Variants in AGBL4 observed in about 807,000 individuals in gnomAD.
AGBL4 encodes cytosolic carboxypeptidase 6.
In AGBL4, 58 loss-of-function variants were observed where a neutral mutation model predicts 66.4. The ratio of observed to expected loss-of-function variants is 0.87; its 90% CI spans 0.71 to 1.09. The LOEUF is 1.09. Among genes scored for constraint, AGBL4 ranks in the 50% least tolerant of loss-of-function variants. The pLI is 0.00. For synonymous variants in AGBL4, 234 were observed against 222.9 expected, an observed-to-expected ratio of 1.05 and a Z score of -0.44; for missense variants, 579 against 631.0, an observed-to-expected ratio of 0.92 and a Z score of 0.88.
At chr1:49,486,365 G>C (rs1043120160) in intron 3 of AGBL4, among the ~76,000 whole-genome samples, 2 of 151,810 alleles carry the variant, frequency 1.3e-5, no homozygotes, top group Non-Finnish European at 2.9e-5. Flanking sequence ...CCAGTACCTA[G>C]CATACAGCTG....
intron 9 of AGBL4, among the ~76,000 whole-genome samples, chr1:48,621,210 A>G (rs1210157666): frequency 6.6e-6 from 1 of 152,176 alleles, no homozygotes; most frequent in East Asian, 1.9e-4. Flanking sequence ...TGGGACAGGA[A>G]TTTTGAGCAG....
At chr1:49,392,357 C>T (rs1644869341) in intron 3 of AGBL4, among the ~76,000 whole-genome samples, 1 of 152,028 alleles carries the variant, frequency 6.6e-6, no homozygotes, top group African/African-American at 2.4e-5. Flanking sequence ...CTGGCAGAGC[C>T]CTCTAAATGG....
At position 48,842,872 on chromosome 1, in the gene AGBL4, A is replaced by G. The variant is rs563573079; in HGVS notation, c.634+24319T>C. On this transcript the variant is annotated intron_variant, in intron 6 of 13. Transcript: ENST00000371839. ...AGAAAATCTCGTTGCATGCTACAAC[A>G]TCAATGAACCATGAGGGCATTATGC... Among the ~76,000 whole-genome samples the G allele has an allele frequency of 2.0e-5, 3 of 152,184 alleles. No individual in the cohort carries two copies. In the East Asian group the frequency reaches 5.8e-4, roughly 29 times the overall value.
intron 1 of AGBL4, among the ~76,000 whole-genome samples, chr1:49,892,753 A>G (rs1648778735): frequency 6.6e-6 from 1 of 152,156 alleles, no homozygotes; most frequent in Admixed American, 6.5e-5. Flanking sequence ...TATTATTCAT[A>G]TTTTGTAGAT....
intron 6 of AGBL4, among the ~76,000 whole-genome samples, chr1:48,683,256 A>T (rs1434173560): frequency 6.6e-6 from 1 of 152,248 alleles, no homozygotes; most frequent in Non-Finnish European, 1.5e-5. Context: ...CCCCAACAGC[A>T]TCATGCTAAG....
At chr1:49,435,188 A>G (rs1229182399) in intron 3 of AGBL4, among the ~76,000 whole-genome samples, 1 of 152,184 alleles carries the variant, frequency 6.6e-6, no homozygotes, top group African/African-American at 2.4e-5. Context: ...TGTCTTTTCA[A>G]TATGCTCCAT....
intron 3 of AGBL4, 34 bp from the exon 4 acceptor site, chr1:49,245,898 G>A (rs1009790545): frequency 2.1e-6 from 3 of 1,447,602 alleles, no homozygotes; most frequent in East Asian, 2.5e-5. Context: ...TCATCTTTAT[G>A]CTATGCAAAT....
intron 3 of AGBL4, among the ~76,000 whole-genome samples, chr1:49,552,193 T>A (rs1653011473): frequency 6.6e-6 from 1 of 152,088 alleles, no homozygotes; most frequent in Non-Finnish European, 1.5e-5. Flanking sequence ...AGGCAGTGGG[T>A]GAGCCAGGCT....
At chr1:48,553,502 C>T (rs1049779133) in intron 11 of AGBL4, among the ~76,000 whole-genome samples, 2 of 152,130 alleles carry the variant, frequency 1.3e-5, no homozygotes, top group Non-Finnish European at 2.9e-5. Context: ...TGGAGCAAGT[C>T]TCCTTTAGGT....
rs142004657 is a variant in AGBL4 at position 48,921,955 on chromosome 1, C to T, written c.595-54725G>A. Among the ~76,000 whole-genome samples, 108 of 152,264 alleles carry T rather than the reference C, an allele frequency of 7.1e-4. No individual in the cohort carries two copies. The East Asian group carries it at 0.01, about 15-fold the overall frequency. ...TGTAAGCATCAGTTAAAACAATATA[C>T]GTGGAACATTTAGTTAGCATATTCT... On this transcript the variant is annotated intron_variant, in intron 5 of 13. Coordinates refer to ENST00000371839, the MANE Select transcript of AGBL4 (RefSeq NM_032785.4).
intron 3 of AGBL4, among the ~76,000 whole-genome samples, chr1:49,432,334 C>A (rs76200506): frequency 1.3e-5 from 2 of 152,040 alleles, no homozygotes; most frequent in African/African-American, 4.8e-5. Context: ...GTTGGTCTGG[C>A]GATAATTTCC....
intron 3 of AGBL4, among the ~76,000 whole-genome samples, chr1:49,604,210 C>CT (rs34775933): frequency 1.3e-5 from 2 of 152,088 alleles, no homozygotes; most frequent in South Asian, 2.1e-4. Flanking sequence ...ATAAGTGTTC[C>CT]TTTTTTACCA....
chr1:48,760,030 A>T (rs886896126), intron 6 of AGBL4, among the ~76,000 whole-genome samples: 1 of 152,166 alleles, frequency 6.6e-6, no homozygotes, highest in African/African-American at 2.4e-5. Flanking sequence ...TCAGGGAAGG[A>T]CTACACTTAG....
At chr1:49,199,819 T>G (rs886915349) in intron 4 of AGBL4, among the ~76,000 whole-genome samples, 3 of 152,170 alleles carry the variant, frequency 2.0e-5, no homozygotes, top group Non-Finnish European at 4.4e-5. Flanking sequence ...ACATCCAGTG[T>G]TGTAGTTGGC....
intron 2 of AGBL4, among the ~76,000 whole-genome samples, chr1:49,751,925 C>A (rs1284531729): frequency 6.6e-6 from 1 of 151,316 alleles, no homozygotes; most frequent in African/African-American, 2.4e-5. Context: ...GTGGTGATAT[C>A]CCCTTTATCA....
intron 3 of AGBL4, among the ~76,000 whole-genome samples, chr1:49,446,567 C>T (rs940277327): frequency 1.3e-5 from 2 of 152,100 alleles, no homozygotes; most frequent in Non-Finnish European, 1.5e-5. Context: ...AGTATACAGG[C>T]CCCAGTTGTG....
At chr1:48,598,962 CT>C (rs897419039) in intron 9 of AGBL4, among the ~76,000 whole-genome samples, 7 of 151,766 alleles carry the variant, frequency 4.6e-5, no homozygotes, top group African/African-American at 1.2e-4. Context: ...ACTCCATAAG[CT>C]TTTTTTTCTA....
chr1:48,850,103 C>A (rs750691670), intron 6 of AGBL4, among the ~76,000 whole-genome samples: 4 of 152,180 alleles, frequency 2.6e-5, no homozygotes, highest in Non-Finnish European at 5.9e-5. Flanking sequence ...GGTTAACTAG[C>A]CTGAAATAAC....
chr1:48,534,165 C>G lies in AGBL4; in HGVS notation c.*8G>C. The G allele has an allele frequency of 6.4e-7, 1 of 1,551,480 alleles. No homozygotes were observed. Reference sequence around the variant, plus strand: ...TGTCCCCATAAGACCTCCCAGGACTCCGTGTCTTTAAAAAGGGGTTGAAGG... The same window carrying G: ...TGTCCCCATAAGACCTCCCAGGACTGCGTGTCTTTAAAAAGGGGTTGAAGG... On this transcript the variant is annotated 3_prime_UTR_variant, in exon 14 of 14. Transcript: ENST00000371839.
Sources: allele counts gnomAD v4.1 joint callset (sites outside exome capture counted in the v4.1 genomes callset), GRCh38; gene constraint gnomAD v4.1.1; transcripts MANE v1.5; gene names NCBI Gene and HGNC (gene_info 2026-07-23, HGNC 2026-07-21).